Variants in SLC4A10 observed in about 807,000 individuals in gnomAD.
The protein encoded by SLC4A10 is sodium-driven chloride bicarbonate exchanger.
SLC4A10 carries 42 observed loss-of-function variants against 137.7 expected under a neutral mutation model. The ratio of observed to expected loss-of-function variants is 0.30; its 90% CI spans 0.24 to 0.39. The LOEUF (loss-of-function observed/expected upper bound fraction) is 0.39, where lower values mean the gene tolerates loss of function less well. Among genes scored for constraint, SLC4A10 ranks in the 10% least tolerant of loss-of-function variants. SLC4A10 has a pLI of 1.00. For synonymous variants in SLC4A10, 474 were observed against 464.1 expected (o/e 1.02, Z -0.27); for missense variants, 925 against 1,355.0 (o/e 0.68, Z 4.98).
At chr2:161,724,300 A>G (rs559135945) in intron 1 of SLC4A10, among the ~76,000 whole-genome samples, 1 of 152,316 alleles carries the variant, frequency 6.6e-6, no homozygotes, top group East Asian at 1.9e-4. Context: ...GCTCACCATT[A>G]CTTTCAAGAT....
At chr2:161,658,990 G>A (rs1330585295) in intron 1 of SLC4A10, among the ~76,000 whole-genome samples, 1 of 152,124 alleles carries the variant, frequency 6.6e-6, no homozygotes, top group East Asian at 1.9e-4. Flanking sequence ...GAAAAACAGT[G>A]TGGAGATTTC....
At chr2:161,978,281 G>C (rs1274490309) in intron 26 of SLC4A10, among the ~76,000 whole-genome samples, 1 of 151,460 alleles carries the variant, frequency 6.6e-6, no homozygotes, top group Non-Finnish European at 1.5e-5. Flanking sequence ...CAGCTACTTT[G>C]GAGGCTGAGG....
intron 3 of SLC4A10, among the ~76,000 whole-genome samples, chr2:161,814,189 C>T (rs1446538319): frequency 1.3e-5 from 2 of 152,024 alleles, no homozygotes; most frequent in Admixed American, 1.3e-4. Context: ...CTCAATATCA[C>T]GAATCATCAG....
At chr2:161,835,533 G>A (rs992551729) in intron 3 of SLC4A10, among the ~76,000 whole-genome samples, 3 of 152,106 alleles carry the variant, frequency 2.0e-5, no homozygotes, top group African/African-American at 7.2e-5. Context: ...CTTCCTGGAG[G>A]GATAATTGAC....
chr2:161,937,933 T>G (rs917799121), intron 15 of SLC4A10, among the ~76,000 whole-genome samples: 1 of 152,050 alleles, frequency 6.6e-6, no homozygotes, highest in Non-Finnish European at 1.5e-5. Flanking sequence ...CCCACCCAAA[T>G]TCATATGCTG....
intron 23 of SLC4A10, among the ~76,000 whole-genome samples, chr2:161,973,176 T>A (rs1458583302): frequency 6.6e-6 from 1 of 152,038 alleles, no homozygotes; most frequent in East Asian, 1.9e-4. Flanking sequence ...GGGCAGGGGG[T>A]CAACTAGTTT....
At chr2:161,975,907 G>A (rs1408419006) in intron 24 of SLC4A10, among the ~76,000 whole-genome samples, 1 of 152,218 alleles carries the variant, frequency 6.6e-6, no homozygotes, top group Non-Finnish European at 1.5e-5. Flanking sequence ...GGCAGGAGGT[G>A]AAATCAGAGT....
At chr2:161,962,066 G>T (rs933982646) in intron 21 of SLC4A10, among the ~76,000 whole-genome samples, 2 of 152,148 alleles carry the variant, frequency 1.3e-5, no homozygotes, top group Non-Finnish European at 2.9e-5. Flanking sequence ...TCATGATGAT[G>T]ATTATTATTT....
At chr2:161,872,888 A>G (rs568086999) in intron 7 of SLC4A10, among the ~76,000 whole-genome samples, 37 of 152,018 alleles carry the variant, frequency 2.4e-4, no homozygotes, top group African/African-American at 8.9e-4. Flanking sequence ...TAATTTTTGT[A>G]TTTTTAGTAG....
chr2:161,705,373 C>A (rs1327176561), intron 1 of SLC4A10, among the ~76,000 whole-genome samples: 1 of 151,382 alleles, frequency 6.6e-6, no homozygotes, highest in Non-Finnish European at 1.5e-5. Context: ...ATCACATGAT[C>A]CCTTAGAGAT....
chr2:161,839,103 T>A (rs571781550), intron 3 of SLC4A10, among the ~76,000 whole-genome samples: 1 of 152,344 alleles, frequency 6.6e-6, no homozygotes, highest in South Asian at 2.1e-4. Flanking sequence ...AGTGGTACAT[T>A]CCTGCAATGG....
chr2:161,958,404 T>C (rs2105875331), intron 20 of SLC4A10, 83 bp from the exon 21 acceptor site: 2 of 1,153,714 alleles, frequency 1.7e-6, no homozygotes, highest in Non-Finnish European at 2.5e-6. Flanking sequence ...ATGCCTTTTT[T>C]CCCTGTTTTT....
At chr2:161,936,753 TTAGA>T (rs2105704438) in intron 15 of SLC4A10, among the ~76,000 whole-genome samples, 1 of 152,284 alleles carries the variant, frequency 6.6e-6, no homozygotes, top group East Asian at 1.9e-4. Context: ...TGTTCTATTG[TTAGA>T]TAGAATAGAA....
At chr2:161,755,596 T>A (rs2049530945) in intron 1 of SLC4A10, among the ~76,000 whole-genome samples, 1 of 152,178 alleles carries the variant, frequency 6.6e-6, no homozygotes. Context: ...TTGGGAGCAT[T>A]GAAAGTTTTC....
chr2:161,706,365 A>G (rs1307772442), intron 1 of SLC4A10, among the ~76,000 whole-genome samples: 3 of 151,674 alleles, frequency 2.0e-5, no homozygotes, highest in African/African-American at 7.2e-5. Context: ...ATGTAATAGT[A>G]TAGGAGATTA....
At chr2:161,849,736 T>C (rs1207166098) in intron 4 of SLC4A10, among the ~76,000 whole-genome samples, 3 of 152,152 alleles carry the variant, frequency 2.0e-5, no homozygotes, top group Non-Finnish European at 4.4e-5. Flanking sequence ...CAAACTTGCC[T>C]CCCAGGAATA....
intron 25 of SLC4A10, 129 bp from the exon 26 acceptor site, chr2:161,977,593 T>C: frequency 2.8e-6 from 2 of 706,046 alleles, no homozygotes; most frequent in Non-Finnish European, 2.3e-6. Context: ...GTTATGCTAA[T>C]ATCTCTTTTT....
intron 1 of SLC4A10, among the ~76,000 whole-genome samples, chr2:161,676,320 G>A (rs868761059): frequency 1.3e-5 from 2 of 151,404 alleles, no homozygotes; most frequent in South Asian, 4.2e-4. Context: ...AAGACTGTGG[G>A]CACTGTCATG....
intron 1 of SLC4A10, among the ~76,000 whole-genome samples, chr2:161,636,152 A>C (rs1220764538): frequency 6.6e-6 from 1 of 152,066 alleles, no homozygotes; most frequent in African/African-American, 2.4e-5. Flanking sequence ...TTTTGGTGCA[A>C]ATTTTTTTTG....
Sources: allele counts gnomAD v4.1 joint callset (sites outside exome capture counted in the v4.1 genomes callset), GRCh38; gene constraint gnomAD v4.1.1; transcripts MANE v1.5; gene names NCBI Gene and HGNC (gene_info 2026-07-23, HGNC 2026-07-21).